Variants in LRRC7 observed in about 807,000 individuals in gnomAD.
LRRC7 encodes leucine-rich repeat-containing protein 7.
A neutral mutation model predicts 175.7 loss-of-function variants in LRRC7; 23 were observed. That is an observed-to-expected ratio of 0.13 (90% CI 0.09 to 0.19). The LOEUF is 0.19. LRRC7 is among the 10% of genes least tolerant of loss of function. The pLI, the probability that LRRC7 is intolerant of heterozygous loss-of-function variation, is 1.00. For synonymous variants in LRRC7, 685 were observed against 680.9 expected (o/e 1.01, Z -0.09); for missense variants, 1,354 against 1,904.7 (o/e 0.71, Z 5.38).
At chr1:70,084,080 G>A (rs1469692305) in intron 24 of LRRC7, among the ~76,000 whole-genome samples, 1 of 152,076 alleles carries the variant, frequency 6.6e-6, no homozygotes, top group Non-Finnish European at 1.5e-5. Context: ...ATGGTATAGT[G>A]TCCCTGCAGA....
Position 70,082,781 on chromosome 1 carries a change from A to ATCTTTTTTT in LRRC7, c.4452+6484_4452+6485insCTTTTTTTT, listed in dbSNP as rs1553201466. Among the ~76,000 whole-genome samples the ATCTTTTTTT allele has an allele frequency of 3.3e-3, 170 of 52,302 alleles. 62 individuals carry two copies. The highest frequency in any genetic ancestry group is 5.0e-3 in the South Asian group (6 of 1,192). The allele number at this position is 52,302 out of a possible 152,430, so 34.3% of individuals were successfully genotyped here. On this transcript the variant is annotated intron_variant, in intron 24 of 26. Coordinates refer to ENST00000651989, the MANE Select transcript of LRRC7 (RefSeq NM_001370785.2). ...TATTAGTCAATCTTGATACCAGTAC[A>ATCTTTTTTT]TTTTTTTTTTTTTTTTTTTTTTTTT...
intron 7 of LRRC7, among the ~76,000 whole-genome samples, chr1:69,862,930 A>G (rs1025878421): frequency 1.3e-5 from 2 of 152,036 alleles, no homozygotes; most frequent in Admixed American, 6.6e-5. Flanking sequence ...AAGAAAGTAT[A>G]TTTTAGAGGT....
At chr1:69,879,212 T>TA (rs201332183) in intron 7 of LRRC7, among the ~76,000 whole-genome samples, 4,040 of 91,796 alleles carry the variant, frequency 0.044, 184 homozygotes, top group African/African-American at 0.077. Context: ...AAAACTGCTT[T>TA]AAAAAAAAAA....
chr1:69,834,739 G>A, intron 5 of LRRC7, 41 bp from the exon 6 acceptor site: 1 of 1,427,828 alleles, frequency 7.0e-7, no homozygotes, highest in Non-Finnish European at 9.8e-7. Context: ...TGTTTCTATA[G>A]CAACATCAAT....
intron 25 of LRRC7, among the ~76,000 whole-genome samples, chr1:70,102,040 A>C (rs1227044284): frequency 6.6e-6 from 1 of 152,214 alleles, no homozygotes; most frequent in Non-Finnish European, 1.5e-5. Flanking sequence ...CAAGTCACTA[A>C]AGAACCCGAT....
At chr1:69,984,356 G>A (rs765987694) in intron 9 of LRRC7, among the ~76,000 whole-genome samples, 7 of 152,106 alleles carry the variant, frequency 4.6e-5, no homozygotes, top group African/African-American at 7.2e-5. Context: ...TGCCAAGTGC[G>A]AGCTTGTGTG....
intron 23 of LRRC7, among the ~76,000 whole-genome samples, chr1:70,056,456 C>T (rs1314542714): frequency 6.6e-6 from 1 of 152,114 alleles, no homozygotes; most frequent in African/African-American, 2.4e-5. Flanking sequence ...GTACTTGGTT[C>T]TCTCTTATTA....
chr1:69,946,203 A>G (rs1649293327), intron 8 of LRRC7, among the ~76,000 whole-genome samples: 1 of 152,134 alleles, frequency 6.6e-6, no homozygotes, highest in South Asian at 2.1e-4. Context: ...AATTTTGTCA[A>G]ATACTTTTTC....
rs899478640 is a variant in LRRC7 at position 70,129,177 on chromosome 1, G to A, written c.*7290G>A. Among the ~76,000 whole-genome samples the A allele has an allele frequency of 2.6e-5, 4 of 151,912 alleles. No individual in the cohort carries two copies. Among genetic ancestry groups the A allele is most frequent in the African/African-American group, 9.7e-5 (4 of 41,338 alleles). On this transcript the variant is annotated 3_prime_UTR_variant, in exon 27 of 27. Transcript: ENST00000651989. Reference sequence around the variant, plus strand: ...CAGGAGAATTGCTTCAACCCAGCAGGCGGAGGTTGCAGTGAGCTGAGATGG... The same window carrying A: ...CAGGAGAATTGCTTCAACCCAGCAGACGGAGGTTGCAGTGAGCTGAGATGG...
intron 22 of LRRC7, among the ~76,000 whole-genome samples, chr1:70,049,038 C>A (rs1430706464): frequency 6.6e-6 from 1 of 151,968 alleles, no homozygotes. Flanking sequence ...ATTTCTACCA[C>A]CATAACAGCA....
intron 7 of LRRC7, among the ~76,000 whole-genome samples, chr1:69,904,851 C>A (rs771431624): frequency 3.9e-5 from 6 of 152,022 alleles, no homozygotes; most frequent in Non-Finnish European, 8.8e-5. Context: ...TAGGCCCTGG[C>A]GTCTGTTTCC....
At chr1:69,665,000 C>T (rs1213499930) in intron 1 of LRRC7, among the ~76,000 whole-genome samples, 5 of 152,022 alleles carry the variant, frequency 3.3e-5, no homozygotes, top group South Asian at 2.1e-4. Flanking sequence ...AGATAGGTGT[C>T]GAATTTCATT....
At chr1:69,736,107 C>G (rs1349413679) in intron 2 of LRRC7, among the ~76,000 whole-genome samples, 1 of 152,018 alleles carries the variant, frequency 6.6e-6, no homozygotes. Context: ...TCCTACAAGT[C>G]TAATGATAAC....
At chr1:69,631,573 G>A (rs6662257) in intron 1 of LRRC7, among the ~76,000 whole-genome samples, 48,397 of 151,866 alleles carry the variant, frequency 0.32, 8,231 homozygotes, top group East Asian at 0.59. Context: ...GTCCTCCCCC[G>A]ACAGTCGCTT....
intron 5 of LRRC7, among the ~76,000 whole-genome samples, chr1:69,834,338 T>C (rs916723293): frequency 2.0e-5 from 3 of 152,136 alleles, no homozygotes; most frequent in African/African-American, 7.2e-5. Flanking sequence ...CTGTAACAAA[T>C]TGTAGACAAA....
chr1:69,827,378 T>C (rs1570178998), intron 5 of LRRC7, among the ~76,000 whole-genome samples: 4 of 152,202 alleles, frequency 2.6e-5, no homozygotes, highest in Non-Finnish European at 1.5e-5. Flanking sequence ...TGGATATGTC[T>C]AATTCCCTTC....
intron 7 of LRRC7, among the ~76,000 whole-genome samples, chr1:69,861,031 A>G (rs1422470313): frequency 6.6e-6 from 1 of 152,102 alleles, no homozygotes; most frequent in Non-Finnish European, 1.5e-5. Flanking sequence ...AGTAAGTGAA[A>G]GAGTGTGAGA....
intron 7 of LRRC7, among the ~76,000 whole-genome samples, chr1:69,923,810 T>C (rs903444656): frequency 7.3e-5 from 11 of 151,478 alleles, no homozygotes; most frequent in African/African-American, 2.4e-4. Flanking sequence ...AGTTTAATTA[T>C]ATCCCATTTG....
intron 1 of LRRC7, among the ~76,000 whole-genome samples, chr1:69,626,819 C>T (rs977250494): frequency 2.7e-5 from 4 of 149,550 alleles, no homozygotes; most frequent in South Asian, 2.1e-4. Flanking sequence ...TGAGAACATG[C>T]GGTGTTTTGT....
Sources: allele counts gnomAD v4.1 joint callset (sites outside exome capture counted in the v4.1 genomes callset), GRCh38; gene constraint gnomAD v4.1.1; transcripts MANE v1.5; gene names NCBI Gene and HGNC (gene_info 2026-07-23, HGNC 2026-07-21).